Variants in SPRED2 observed in about 807,000 individuals in gnomAD.
SPRED2 encodes the protein sprouty-related, EVH1 domain-containing protein 2.
Under a neutral mutation model 43.0 loss-of-function variants are expected in SPRED2, and 47 were observed. The ratio of observed to expected loss-of-function variants is 1.09; its 90% CI spans 0.87 to 1.40. SPRED2 has a LOEUF of 1.40. Among genes scored for constraint, SPRED2 ranks in the 40% most tolerant of loss-of-function variants. The probability of loss-of-function intolerance (pLI) is 0.00; values close to 1 mark genes in which losing one functional copy is unlikely to be tolerated. For missense variants in SPRED2, 561 were observed against 586.4 expected, an observed-to-expected ratio of 0.96 and a Z score of 0.45; for synonymous variants, 225 against 225.7, an observed-to-expected ratio of 1.00 and a Z score of 0.03.
intron 1 of SPRED2, among the ~76,000 whole-genome samples, chr2:65,362,898 G>A (rs141647669): frequency 0.039 from 5,897 of 150,976 alleles, 398 homozygotes; most frequent in African/African-American, 0.14. Flanking sequence ...AAAAACGGCT[G>A]GGCACGGTGG....
chr2:65,340,693 G>A (rs928126222), intron 2 of SPRED2, among the ~76,000 whole-genome samples: 1 of 152,162 alleles, frequency 6.6e-6, no homozygotes, highest in African/African-American at 2.4e-5. Context: ...TTTTCCCACA[G>A]AAACAATGGT....
chr2:65,407,357 G>A (rs1676049585), intron 1 of SPRED2, among the ~76,000 whole-genome samples: 1 of 148,754 alleles, frequency 6.7e-6, no homozygotes, highest in African/African-American at 2.5e-5. Flanking sequence ...AACTGAGGTG[G>A]CTGCAGGTGT....
intron 4 of SPRED2, among the ~76,000 whole-genome samples, chr2:65,327,652 G>A (rs1269547445): frequency 6.6e-6 from 1 of 151,624 alleles, no homozygotes; most frequent in African/African-American, 2.4e-5. Context: ...TGCTCCCTGG[G>A]GTCAACCAAA....
At chr2:65,318,757 C>T (rs1673320901) in intron 4 of SPRED2, among the ~76,000 whole-genome samples, 1 of 152,088 alleles carries the variant, frequency 6.6e-6, no homozygotes, top group African/African-American at 2.4e-5. Flanking sequence ...AGTGATCCCC[C>T]TGCTTCAGCC....
At chr2:65,317,166 G>A (rs1486046448) in intron 4 of SPRED2, among the ~76,000 whole-genome samples, 5 of 152,118 alleles carry the variant, frequency 3.3e-5, no homozygotes, top group African/African-American at 1.2e-4. Context: ...GGTGCGGGGG[G>A]AAAGGCTGGA....
chr2:65,405,739 A>G (rs1207849272), intron 1 of SPRED2, among the ~76,000 whole-genome samples: 1 of 152,182 alleles, frequency 6.6e-6, no homozygotes, highest in African/African-American at 2.4e-5. Flanking sequence ...ATTTGGTTTG[A>G]GCAAGTATAG....
intron 1 of SPRED2, among the ~76,000 whole-genome samples, chr2:65,405,685 C>G (rs541960129): frequency 6.6e-6 from 1 of 152,134 alleles, no homozygotes; most frequent in Non-Finnish European, 1.5e-5. Context: ...GCACTGCAAT[C>G]CTCTTTTCTG....
intron 1 of SPRED2, among the ~76,000 whole-genome samples, chr2:65,409,389 A>G (rs2081432181): frequency 6.6e-6 from 1 of 152,222 alleles, no homozygotes; most frequent in African/African-American, 2.4e-5. Context: ...GAATTTTTAG[A>G]TACACTAAAT....
intron 4 of SPRED2, among the ~76,000 whole-genome samples, chr2:65,317,661 C>T (rs369932495): frequency 3.3e-5 from 5 of 152,128 alleles, no homozygotes; most frequent in Admixed American, 2.0e-4. Flanking sequence ...ATGAAACCCA[C>T]GTGTTTATAT....
At chr2:65,409,301 C>T (rs1351910164) in intron 1 of SPRED2, among the ~76,000 whole-genome samples, 5 of 152,122 alleles carry the variant, frequency 3.3e-5, no homozygotes, top group Non-Finnish European at 5.9e-5. Context: ...AACATACAAG[C>T]GGCATTTTGC....
chr2:65,432,593 G>A lies in SPRED2; in HGVS notation c.-606C>T, dbSNP rs1036088480. The stretch of plus-strand genomic sequence containing the variant: ...CGTCTTCCCAGCGGCCAGAGGTGGT[G>A]GAGTGCAAAAAGCTTCCTACTTGCG... On this transcript the variant is annotated 5_prime_UTR_variant, in exon 1 of 6. Transcript: ENST00000356388. 3.3e-5 allele frequency: 5 copies of A among 152,284 alleles called. No homozygotes were observed. Among genetic ancestry groups the A allele is most frequent in the African/African-American group, 1.2e-4 (5 of 41,520 alleles). 9.4% of individuals were successfully genotyped at this position (152,284 alleles called of 1,614,324 possible).
Position 65,369,570 on chromosome 2 carries a change from A to G in SPRED2, c.27-24674T>C, listed in dbSNP as rs183031292. Among the ~76,000 whole-genome samples, 6 of 152,374 alleles carry G rather than the reference A, an allele frequency of 3.9e-5. No homozygotes were observed. The East Asian group carries it at 5.8e-4, about 15-fold the overall frequency. ...ATGGTTCCTACCATCTTTAACAGAC[A>G]TTTCTGTTTGGTCGACTTGCATGCT... On this transcript the variant is annotated intron_variant, in intron 1 of 5. Transcript: ENST00000356388.
intron 1 of SPRED2, among the ~76,000 whole-genome samples, chr2:65,363,723 G>T (rs930678612): frequency 6.6e-6 from 1 of 152,212 alleles, no homozygotes; most frequent in African/African-American, 2.4e-5. Context: ...ACAGACTGCA[G>T]ACTCTGTAAC....
chr2:65,313,387 G>T lies in SPRED2; in HGVS notation c.*114C>A, dbSNP rs111803590. On this transcript the variant is annotated 3_prime_UTR_variant, in exon 6 of 6. Coordinates refer to ENST00000356388, the MANE Select transcript of SPRED2 (RefSeq NM_181784.3). ...CCTCGAGGTACCAGGGAGCTGGGAG[G>T]CCGCTTGCCCTCCTCGCTCCTTGGA... The T allele has an allele frequency of 1.2e-5, 18 of 1,499,212 alleles. No individual in the cohort carries two copies. The African/African-American group carries it at 2.5e-4, about 21-fold the overall frequency. The allele number at this position is 1,499,212 out of a possible 1,614,324, so 92.9% of individuals were successfully genotyped here.
At chr2:65,308,291 A>G (rs1050825035), downstream of SPRED2, 1 of 985,190 alleles carries the variant, frequency 1.0e-6, no homozygotes, top group African/African-American at 1.7e-5. Context: ...CTCTCGGCAA[A>G]ACCGCTCCCA....
chr2:65,330,604 G>A (rs1423313258), intron 4 of SPRED2, among the ~76,000 whole-genome samples: 3 of 152,046 alleles, frequency 2.0e-5, no homozygotes, highest in East Asian at 3.8e-4. Flanking sequence ...TGTGACAATC[G>A]ATGAAGTACA....
intron 5 of SPRED2, 108 bp from the exon 6 acceptor site, chr2:65,314,277 C>G: frequency 1.9e-6 from 2 of 1,033,924 alleles, no homozygotes; most frequent in Non-Finnish European, 2.7e-6. Flanking sequence ...GCACCTTTCT[C>G]GATAACTCCA....
intron 1 of SPRED2, among the ~76,000 whole-genome samples, chr2:65,372,089 A>G (rs1021981723): frequency 7.9e-5 from 12 of 152,076 alleles, no homozygotes; most frequent in Admixed American, 3.3e-4. Context: ...AAGAAAGAAA[A>G]AAAAAAGGCT....
At chr2:65,343,080 TTTCTGAATCA>T (rs1304935926) in intron 2 of SPRED2, among the ~76,000 whole-genome samples, 12 of 152,230 alleles carry the variant, frequency 7.9e-5, no homozygotes, top group African/African-American at 2.9e-4. Context: ...ACAAGGAATC[TTTCTGAATCA>T]TAATTTCTTC....
Sources: gnomAD v4.1 joint callset for allele counts (sites outside exome capture counted in the v4.1 genomes callset) on GRCh38, gnomAD v4.1.1 for gene constraint, MANE v1.5 for transcripts, NCBI Gene and HGNC (gene_info 2026-07-23, HGNC 2026-07-21) for gene names.